Variants in SEPTIN8 observed in about 807,000 individuals in gnomAD.
SEPTIN8 encodes septin 8, also known as septin-8.
Under a neutral mutation model 53.1 loss-of-function variants are expected in SEPTIN8, and 22 were observed. The observed-to-expected ratio is 0.41, with a 90% CI of 0.30 to 0.59. The LOEUF (loss-of-function observed/expected upper bound fraction) is 0.59. Ranked by LOEUF, SEPTIN8 falls within the 20% of genes least tolerant of loss-of-function variation. The pLI is 0.24. For synonymous variants in SEPTIN8, 228 were observed against 248.4 expected, an observed-to-expected ratio of 0.92 and a Z score of 0.77; for missense variants, 536 against 638.7, an observed-to-expected ratio of 0.84 and a Z score of 1.73.
At position 132,751,440 on chromosome 5, in the gene SEPTIN8, GTTTGTA is replaced by G. The variant is rs147479086; in HGVS notation, c.*570_*575del. On this transcript the variant is annotated 3_prime_UTR_variant, in exon 10 of 10. Coordinates refer to ENST00000378719, the MANE Select transcript of SEPTIN8 (RefSeq NM_001098811.2). ...GCACTTAAAAAAATATCATACATTA[GTTTGTA>G]TTTGTTTTAGTTGGGGGAATGATGG... is the stretch of plus-strand genomic sequence containing the variant. 0.018 allele frequency: 3,238 copies of G among 183,698 alleles called. 113 individuals are homozygous for G. Among genetic ancestry groups the G allele is most frequent in the African/African-American group, 0.073 (3,052 of 42,036 alleles). 11.4% of individuals were successfully genotyped at this position (183,698 alleles called of 1,614,324 possible).
Position 132,774,771 on chromosome 5 carries a change from T to TG in SEPTIN8, c.30+2336dup, listed in dbSNP as rs1332159712. Among the ~76,000 whole-genome samples, 6 of 152,296 alleles carry TG rather than the reference T, an allele frequency of 3.9e-5. No homozygotes were observed. The South Asian group carries it at 1.2e-3, about 32-fold the overall frequency. ...CCAGAGGGACAGTGTAGACCTGTCA[T>TG]GGCTCCATCACATCCTGGGGCTTGC... is the stretch of plus-strand genomic sequence containing the variant. On this transcript the variant is annotated intron_variant, in intron 1 of 9. Coordinates refer to ENST00000378719, the MANE Select transcript of SEPTIN8 (RefSeq NM_001098811.2).
In SEPTIN8 at chr5:132,752,070, T is replaced by C. The variant is rs536055418; in HGVS notation, c.1398A>G (p.Ile466Met). 1.6e-5 allele frequency: 26 copies of C among 1,607,382 alleles called. No individual in the cohort carries two copies. The South Asian group carries it at 2.8e-4, about 17-fold the overall frequency. ...CCCTGACCAGGCAGCTGCAGCACTG[T>C]ATGGCGGGCCACCAGCTGCTGCAGT... ...PLNCSSWWPA[I>M]QCCSCLVRDA... is the part of the protein sequence containing the mutation. The change falls in exon 10 of 10, where the codon ATA becomes ATG. Residue 466 changes from isoleucine to methionine, a missense_variant. By Grantham distance (10) the Ile-to-Met change is conservative. This residue lies in a region of SEPTIN8 where 133 missense variants were observed against 157.4 expected (regional missense o/e 0.84). Coordinates refer to ENST00000378719, the MANE Select transcript of SEPTIN8 (RefSeq NM_001098811.2).
At chr5:132,764,152 G>C in intron 3 of SEPTIN8, 72 bp downstream of exon 3, 1 of 1,475,612 alleles carries the variant, frequency 6.8e-7, no homozygotes, top group Non-Finnish European at 9.2e-7. Flanking sequence ...GTGAGGGCTG[G>C]GCTACTGTTA....
chr5:132,779,241 C>T (rs959410123), upstream of SEPTIN8, among the ~76,000 whole-genome samples: 8 of 152,132 alleles, frequency 5.3e-5, no homozygotes, highest in Non-Finnish European at 1.2e-4. Flanking sequence ...GTGAATATAA[C>T]GATCATTTCT....
chr5:132,779,238 T>C (rs1757997417), upstream of SEPTIN8, among the ~76,000 whole-genome samples: 1 of 152,240 alleles, frequency 6.6e-6, no homozygotes, highest in Non-Finnish European at 1.5e-5. Context: ...AAGGTGAATA[T>C]AACGATCATT....
Position 132,761,848 on chromosome 5 carries a change from C to A in SEPTIN8, c.745G>T (p.Gly249Trp). Residue 249 changes from glycine (G) to tryptophan (W), a missense_variant, in exon 6 of 10, where the codon GGG becomes TGG. Around this residue, in one of 3 missense-constraint regions of SEPTIN8, gnomAD observed 395 missense variants for 451.8 expected, o/e 0.87. Coordinates refer to ENST00000378719, the MANE Select transcript of SEPTIN8 (RefSeq NM_001098811.2). This position sits in a 1 kb window ranked among gnomAD's most constrained non-coding sequence, Gnocchi z 5.8. ...VVGSTEEVKVGNKLVRARQYP... is the reference protein window; with the variant it reads ...VVGSTEEVKVWNKLVRARQYP... The stretch of plus-strand genomic sequence containing the variant: ...TGCCGTGCTCGGACCAGCTTGTTCC[C>A]CACCTTCACCTCCTCGGTGCTGCCC... 6.2e-7 allele frequency: 1 copy of A among 1,608,012 alleles called. No individual in the cohort carries two copies. Among genetic ancestry groups the A allele is most frequent in the East Asian group, 2.2e-5 (1 of 44,636 alleles).
intron 9 of SEPTIN8, chr5:132,758,602 C>G: frequency 6.2e-7 from 1 of 1,604,824 alleles, no homozygotes; most frequent in Non-Finnish European, 8.5e-7. Context: ...GCATTCATGG[C>G]TTTTACGTGT....
chr5:132,777,909 C>A, upstream of SEPTIN8: 19 of 985,512 alleles, frequency 1.9e-5, no homozygotes, highest in Non-Finnish European at 2.2e-5. The surrounding 1 kb of genome is among the most constrained non-coding windows in gnomAD (Gnocchi z 4.1). Flanking sequence ...AATAGAAAAG[C>A]GGAGCTCGAC....
At position 132,754,457 on chromosome 5, in the gene SEPTIN8, C is replaced by A. The variant is rs560635007; in HGVS notation, c.1287-2276G>T. On this transcript the variant is annotated intron_variant, in intron 9 of 9. Coordinates refer to ENST00000378719, the MANE Select transcript of SEPTIN8 (RefSeq NM_001098811.2). The stretch of plus-strand genomic sequence containing the variant: ...CTTTAGGGGAACTGCTGGAAGACAT[C>A]TGCTGCTTAACCAGGTGGCTATGGA... 3 of 717,478 alleles carry A rather than the reference C, an allele frequency of 4.2e-6. No individual in the cohort carries two copies. The East Asian group carries it at 8.0e-5, about 19-fold the overall frequency. The allele number at this position is 717,478 out of a possible 1,614,324, so 44.4% of individuals were successfully genotyped here.
chr5:132,753,001 G>A (rs376590266), intron 9 of SEPTIN8: 20 of 1,559,218 alleles, frequency 1.3e-5, no homozygotes, highest in Non-Finnish European at 1.8e-5. Context: ...GGCTTTCAGA[G>A]CATAGTGTGA....
At chr5:132,758,234 A>G (rs1455706600) in intron 9 of SEPTIN8, 2 of 1,255,642 alleles carry the variant, frequency 1.6e-6, no homozygotes, top group Non-Finnish European at 2.0e-6. Context: ...TTTAGTTTTT[A>G]AAAATCAGGG....
intron 9 of SEPTIN8, among the ~76,000 whole-genome samples, chr5:132,755,488 C>G (rs1478187502): frequency 6.6e-6 from 1 of 152,182 alleles, no homozygotes; most frequent in Non-Finnish European, 1.5e-5. Context: ...GCGTTCAAAT[C>G]TCAACTTCTC....
chr5:132,754,609 C>T lies in SEPTIN8; in HGVS notation c.1287-2428G>A. On this transcript the variant is annotated intron_variant, in intron 9 of 9. Transcript: ENST00000378719. ...CTGGCTTTCTATAAATGATAGAACT[C>T]TTCTATAGGGAAGCTCACTTTTGTA... 7.4e-6 allele frequency: 5 copies of T among 677,254 alleles called. No individual in the cohort carries two copies. In the South Asian group the frequency reaches 8.1e-5, roughly 11 times the overall value. The allele number at this position is 677,254 out of a possible 1,614,324, so 42.0% of individuals were successfully genotyped here.
chr5:132,775,476 T>G (rs892074442), intron 1 of SEPTIN8, among the ~76,000 whole-genome samples: 10 of 152,180 alleles, frequency 6.6e-5, no homozygotes. Flanking sequence ...AATACCCCTA[T>G]GAGGGAAGAA....
At chr5:132,755,142 A>T (rs1755215128) in intron 9 of SEPTIN8, among the ~76,000 whole-genome samples, 1 of 152,178 alleles carries the variant, frequency 6.6e-6, no homozygotes, top group Non-Finnish European at 1.5e-5. Context: ...GAGCTGAGCT[A>T]TGCCTGCATT....
At chr5:132,759,856 C>G (rs1755714628) in intron 9 of SEPTIN8, among the ~76,000 whole-genome samples, 1 of 152,130 alleles carries the variant, frequency 6.6e-6, no homozygotes, top group Non-Finnish European at 1.5e-5. Context: ...CCCCAGAAGC[C>G]AGGACATCTG....
intron 9 of SEPTIN8, chr5:132,754,162 C>G (rs1203005887): frequency 9.0e-6 from 4 of 445,206 alleles, no homozygotes; most frequent in Non-Finnish European, 1.6e-5. Context: ...TTAATTGCTT[C>G]CGATCCTGTA....
In SEPTIN8 at chr5:132,776,798, G is replaced by A. The variant is rs1757841450; in HGVS notation, c.30+310C>T. The stretch of plus-strand genomic sequence containing the variant: ...GTCCCGGACCCTCACCTGCGGCCCC[G>A]CGGGCGCCACTCTATCTTCGCACCT... On this transcript the variant is annotated intron_variant, in intron 1 of 9. Coordinates refer to ENST00000378719, the MANE Select transcript of SEPTIN8 (RefSeq NM_001098811.2). The surrounding 1 kb of genome is among the most constrained non-coding windows in gnomAD (Gnocchi z 4.4). Among the ~76,000 whole-genome samples the A allele has an allele frequency of 6.6e-6, 1 of 152,090 alleles. No individual in the cohort carries two copies. Among genetic ancestry groups the A allele is most frequent in the South Asian group, 2.1e-4 (1 of 4,820 alleles).
chr5:132,755,960 G>A (rs200894357), intron 9 of SEPTIN8: 5 of 896,906 alleles, frequency 5.6e-6, no homozygotes, highest in Non-Finnish European at 6.2e-6. Context: ...CTCAGGAAAC[G>A]TTAAATCAGA....
Sources: gnomAD v4.1 joint callset for allele counts (sites outside exome capture counted in the v4.1 genomes callset) on GRCh38, gnomAD v4.1.1 for gene constraint, gnomAD v4.1.1 regional missense constraint, Gnocchi (gnomAD v3.1) non-coding constraint, MANE v1.5 for transcripts, NCBI Gene and HGNC (gene_info 2026-07-23, HGNC 2026-07-21) for gene names.